Variants in MTPAP observed in about 807,000 individuals in gnomAD.
MTPAP encodes the protein mitochondrial poly(A) polymerase.
A neutral mutation model predicts 48.7 loss-of-function variants in MTPAP; 23 were observed. The observed-to-expected ratio is 0.47, with a 90% CI of 0.34 to 0.67. The LOEUF is 0.67. Among genes scored for constraint, MTPAP ranks in the 30% least tolerant of loss-of-function variants. The pLI is 0.01. For missense variants in MTPAP, 614 were observed against 694.3 expected, an observed-to-expected ratio of 0.88 and a Z score of 1.30; for synonymous variants, 257 against 254.1, an observed-to-expected ratio of 1.01 and a Z score of -0.11.
chr10:30,342,070 T>C (rs1258101670), intron 1 of MTPAP, among the ~76,000 whole-genome samples: 1 of 151,986 alleles, frequency 6.6e-6, no homozygotes, highest in Non-Finnish European at 1.5e-5. Flanking sequence ...ACCTCATCTG[T>C]ACTAAAAATA....
rs777236242 is a variant in MTPAP at position 30,313,932 on chromosome 10, T to C, written c.1426A>G (p.Ile476Val). 1.7e-5 allele frequency: 27 copies of C among 1,613,942 alleles called. No homozygotes were observed. The highest frequency in any genetic ancestry group is 2.3e-5 in the Non-Finnish European group (27 of 1,179,840). ...QNKPDSSPLY[I>V]QNPFETSLNI... ...AGAGAAGTTTCAAATGGATTCTGAA[T>C]GTACAGAGGAGAAGAATCAGGTTTG... The change falls in exon 9 of 9, where the codon ATT becomes GTT. Residue 476 changes from isoleucine (I) to valine (V), a missense_variant. Physicochemically the swap from Ile to Val is conservative, Grantham distance 29. Coordinates refer to ENST00000263063, the MANE Select transcript of MTPAP (RefSeq NM_018109.4).
intron 1 of MTPAP, among the ~76,000 whole-genome samples, chr10:30,345,135 T>C (rs1388899581): frequency 6.6e-6 from 1 of 152,252 alleles, no homozygotes; most frequent in Admixed American, 6.5e-5. Context: ...TATACACTTG[T>C]ATCCATAGAT....
intron 2 of MTPAP, 144 bp downstream of exon 2, chr10:30,341,324 A>T: frequency 9.3e-7 from 1 of 1,073,464 alleles, no homozygotes; most frequent in Non-Finnish European, 1.3e-6. Context: ...AAAACTCATT[A>T]AAGAAATCTA....
chr10:30,342,543 CAA>C (rs59507352), intron 1 of MTPAP, among the ~76,000 whole-genome samples: 13,492 of 136,480 alleles, frequency 0.099, 1,873 homozygotes, highest in African/African-American at 0.34. Context: ...CGGAGTTCCA[CAA>C]AAAAAAAAAA....
intron 1 of MTPAP, among the ~76,000 whole-genome samples, chr10:30,348,006 A>T (rs1834891985): frequency 6.6e-6 from 1 of 152,220 alleles, no homozygotes; most frequent in African/African-American, 2.4e-5. Context: ...TATAAAATGG[A>T]GTAACAGTTA....
intron 6 of MTPAP, among the ~76,000 whole-genome samples, chr10:30,318,782 T>A (rs1013510574): frequency 2.0e-5 from 3 of 152,182 alleles, no homozygotes; most frequent in Non-Finnish European, 4.4e-5. Context: ...GAACTCCTAC[T>A]ATGAACCCAA....
chr10:30,327,226 G>A (rs751230472), intron 4 of MTPAP, among the ~76,000 whole-genome samples: 3 of 151,788 alleles, frequency 2.0e-5, no homozygotes, highest in Admixed American at 6.6e-5. Flanking sequence ...AGTGGCTCAC[G>A]TCTGTAATCC....
chr10:30,347,936 G>C (rs898909952), intron 1 of MTPAP, among the ~76,000 whole-genome samples: 1 of 150,256 alleles, frequency 6.7e-6, no homozygotes, highest in Admixed American at 6.6e-5. Flanking sequence ...TTTTGCCACC[G>C]AATAGCTGAG....
At chr10:30,314,739 G>C (rs1747012823) in intron 8 of MTPAP, among the ~76,000 whole-genome samples, 1 of 151,892 alleles carries the variant, frequency 6.6e-6, no homozygotes, top group African/African-American at 2.4e-5. Context: ...AGGTGTTGTG[G>C]CGCATGCCTG....
intron 5 of MTPAP, among the ~76,000 whole-genome samples, chr10:30,324,205 T>A (rs1834553017): frequency 6.6e-6 from 1 of 151,652 alleles, no homozygotes; most frequent in Non-Finnish European, 1.5e-5. Context: ...TATATATATA[T>A]AAAATCGATA....
intron 6 of MTPAP, 30 bp from the exon 7 acceptor site, chr10:30,316,240 GT>G (rs371479504): frequency 0.02 from 24,270 of 1,214,466 alleles, no homozygotes; most frequent in East Asian, 0.025. Flanking sequence ...TATTTCACGT[GT>G]TTTTTTTTTT....
chr10:30,328,532 G>C (rs1014904807), intron 4 of MTPAP, among the ~76,000 whole-genome samples: 1 of 152,212 alleles, frequency 6.6e-6, no homozygotes, highest in Non-Finnish European at 1.5e-5. Flanking sequence ...TTTGGGAGCT[G>C]TATCTAGTTT....
At chr10:30,323,085 T>C (rs2489849) in intron 5 of MTPAP, among the ~76,000 whole-genome samples, 137,457 of 143,350 alleles carry the variant, frequency 0.96, 66,096 homozygotes, top group Non-Finnish European at 1. Context: ...GCTGAGACCA[T>C]ACCAGTGTAC....
Position 30,322,637 on chromosome 10 carries a change from G to GA in MTPAP, c.993-21dup. 1 of 1,558,526 alleles carries GA rather than the reference G, an allele frequency of 6.4e-7. No homozygotes were observed. Among genetic ancestry groups the GA allele is most frequent in the Non-Finnish European group, 8.8e-7 (1 of 1,138,240 alleles). ...GCAATCCTTCAAAAAATAAAAATAA[G>GA]AAAAATGTTCAAATCCCCAAATTAT... is the stretch of plus-strand genomic sequence containing the variant. On this transcript the variant is annotated intron_variant, in intron 5 of 8. Coordinates refer to ENST00000263063, the MANE Select transcript of MTPAP (RefSeq NM_018109.4).
rs1840602305 is a variant in MTPAP, at chr10:30,312,246, A to G, written c.*1363T>C. On this transcript the variant is annotated 3_prime_UTR_variant, in exon 9 of 9. Coordinates refer to ENST00000263063, the MANE Select transcript of MTPAP (RefSeq NM_018109.4). The stretch of plus-strand genomic sequence containing the variant: ...AACATGGGTTTCAACTGCGAAGTCC[A>G]TTTACACACAGATTTTTTCCAACCA... 6.6e-6 allele frequency: 1 copy of G among 152,116 alleles called. No homozygotes were observed. The highest frequency in any genetic ancestry group is 2.4e-5 in the African/African-American group (1 of 41,414). 9.4% of individuals were successfully genotyped at this position (152,116 alleles called of 1,614,324 possible). A position where few individuals can be genotyped will look rare whatever the true frequency, so the allele number is the denominator to read the frequency against.
At position 30,349,112 on chromosome 10, in the gene MTPAP, C is replaced by T; in HGVS notation, c.157+7G>A. 6.2e-7 allele frequency: 1 copy of T among 1,613,614 alleles called. No homozygotes were observed. Among genetic ancestry groups the T allele is most frequent in the Non-Finnish European group, 8.5e-7 (1 of 1,179,792 alleles). ...GACGGAACTACAGGGCAAACCGGCG[C>T]CATCACCTGTCTCCACGCTCCCTGA... is the stretch of plus-strand genomic sequence containing the variant. On this transcript the variant is annotated splice_region_variant and intron_variant, in intron 1 of 8. Transcript: ENST00000263063.
chr10:30,329,242 CA>C (rs1397348719), intron 4 of MTPAP, among the ~76,000 whole-genome samples: 29 of 138,568 alleles, frequency 2.1e-4, no homozygotes, highest in Admixed American at 2.1e-4. Context: ...AGTGAGAATC[CA>C]AAAAAAAAAG....
chr10:30,324,235 T>C (rs1320342290), intron 5 of MTPAP, among the ~76,000 whole-genome samples: 1 of 152,138 alleles, frequency 6.6e-6, no homozygotes, highest in Non-Finnish European at 1.5e-5. Flanking sequence ...AGGCATTTAT[T>C]GGCTGGGCAC....
In MTPAP at chr10:30,310,656, T is replaced by G. The variant is rs773000412; in HGVS notation, c.*2953A>C. The G allele has an allele frequency of 6.6e-6, 1 of 151,196 alleles. No individual in the cohort carries two copies. The highest frequency in any genetic ancestry group is 2.4e-5 in the African/African-American group (1 of 41,032). 9.4% of individuals were successfully genotyped at this position (151,196 alleles called of 1,614,324 possible). A position where few individuals can be genotyped will look rare whatever the true frequency, so the allele number is the denominator to read the frequency against. On this transcript the variant is annotated 3_prime_UTR_variant, in exon 9 of 9. Transcript: ENST00000263063. ...ACCTGTAACCTGTAATCCCAGCACT[T>G]TGAGAGGCTGAGACAGGTAGATCAC... is the stretch of plus-strand genomic sequence containing the variant.
Sources: gnomAD v4.1 joint callset for allele counts (sites outside exome capture counted in the v4.1 genomes callset) on GRCh38, gnomAD v4.1.1 for gene constraint, MANE v1.5 for transcripts, NCBI Gene and HGNC (gene_info 2026-07-23, HGNC 2026-07-21) for gene names.